Variants in ZRANB3 observed in about 807,000 individuals in gnomAD.
ZRANB3 encodes the protein zinc finger RANBP2-type containing 3.
A neutral mutation model predicts 133.8 loss-of-function variants in ZRANB3; 125 were observed. That is an observed-to-expected ratio of 0.93 (90% CI 0.81 to 1.08). The LOEUF (loss-of-function observed/expected upper bound fraction) is 1.08, where lower values mean the gene tolerates loss of function less well. Among genes scored for constraint, ZRANB3 ranks in the 50% least tolerant of loss-of-function variants. The probability of loss-of-function intolerance (pLI) is 0.00; values close to 1 mark genes in which losing one functional copy is unlikely to be tolerated. For synonymous variants in ZRANB3, 387 were observed against 432.7 expected (o/e 0.89, Z 1.31); for missense variants, 1,229 against 1,275.5 (o/e 0.96, Z 0.56).
At chr2:135,321,954 T>C (rs1245401784) in intron 6 of ZRANB3, among the ~76,000 whole-genome samples, 1 of 152,180 alleles carries the variant, frequency 6.6e-6, no homozygotes, top group Non-Finnish European at 1.5e-5. Context: ...TTCATCACTT[T>C]TGTCTTTTAT....
At chr2:135,205,716 G>T (rs912407570) in intron 19 of ZRANB3, among the ~76,000 whole-genome samples, 1 of 152,204 alleles carries the variant, frequency 6.6e-6, no homozygotes, top group African/African-American at 2.4e-5. Flanking sequence ...AAATGAAAGT[G>T]AATATTGATG....
At chr2:135,516,021 G>C (rs574648948) in intron 1 of ZRANB3, among the ~76,000 whole-genome samples, 21 of 152,000 alleles carry the variant, frequency 1.4e-4, no homozygotes, top group African/African-American at 4.8e-4. Context: ...TGATCCCTTT[G>C]CCATTATGTA....
At chr2:135,362,880 A>G (rs1003830342) in intron 3 of ZRANB3, among the ~76,000 whole-genome samples, 9 of 152,228 alleles carry the variant, frequency 5.9e-5, no homozygotes, top group African/African-American at 2.2e-4. Flanking sequence ...AGTCTCTAGT[A>G]AAGTTTTATT....
Position 135,230,429 on chromosome 2 carries a change from G to C in ZRANB3, c.1954+84C>G, listed in dbSNP as rs1694947964. On this transcript the variant is annotated intron_variant, in intron 13 of 20. Coordinates refer to ENST00000264159, the MANE Select transcript of ZRANB3 (RefSeq NM_032143.4). The stretch of plus-strand genomic sequence containing the variant: ...GTTGTGCTGAGTCACACTAACCCTG[G>C]ATAACAGCAGTCTCTAAAAGCACAG... 3.4e-5 allele frequency: 44 copies of C among 1,290,576 alleles called. No individual in the cohort carries two copies. The South Asian group carries it at 9.1e-4, about 27-fold the overall frequency. 79.9% of individuals were successfully genotyped at this position (1,290,576 alleles called of 1,614,324 possible).
At chr2:135,489,048 A>G (rs911003775) in intron 2 of ZRANB3, among the ~76,000 whole-genome samples, 2 of 152,042 alleles carry the variant, frequency 1.3e-5, no homozygotes, top group African/African-American at 4.8e-5. Flanking sequence ...GCTCTAGCCC[A>G]TACTGTTTGC....
At chr2:135,506,262 G>C (rs1029138629) in intron 1 of ZRANB3, among the ~76,000 whole-genome samples, 10 of 152,008 alleles carry the variant, frequency 6.6e-5, no homozygotes, top group African/African-American at 2.4e-4. Flanking sequence ...TGGTGGCACA[G>C]GCCTGTAATC....
At chr2:135,453,851 C>A (rs182052578) in intron 2 of ZRANB3, among the ~76,000 whole-genome samples, 3 of 152,252 alleles carry the variant, frequency 2.0e-5, no homozygotes, top group African/African-American at 7.2e-5. Context: ...TCCAAAGTCA[C>A]TTCCACATTT....
At chr2:135,275,560 A>C (rs1286273052) in intron 9 of ZRANB3, 76 bp downstream of exon 9, 3 of 1,263,948 alleles carry the variant, frequency 2.4e-6, no homozygotes, top group Non-Finnish European at 3.1e-6. Context: ...CACCTCAACT[A>C]TGAGACTACA....
chr2:135,253,229 G>T (rs1679488115), intron 12 of ZRANB3, among the ~76,000 whole-genome samples: 3 of 152,174 alleles, frequency 2.0e-5, no homozygotes, highest in Admixed American at 2.0e-4. Flanking sequence ...TGGTGGTAGG[G>T]CCTGCCAACG....
At chr2:135,366,277 A>G (rs1465336147) in intron 3 of ZRANB3, among the ~76,000 whole-genome samples, 2 of 152,110 alleles carry the variant, frequency 1.3e-5, no homozygotes, top group African/African-American at 4.8e-5. Flanking sequence ...TATTAAAAAG[A>G]GGGAGAAAGA....
At chr2:135,501,826 T>C (rs747410794) in intron 2 of ZRANB3, among the ~76,000 whole-genome samples, 12 of 152,192 alleles carry the variant, frequency 7.9e-5, no homozygotes, top group Non-Finnish European at 1.8e-4. Context: ...TAAGGTAATG[T>C]TACGTCTCTC....
chr2:135,492,219 T>C (rs1252025467), intron 2 of ZRANB3, among the ~76,000 whole-genome samples: 7 of 152,166 alleles, frequency 4.6e-5, no homozygotes, highest in African/African-American at 1.4e-4. Flanking sequence ...CTAATATCAA[T>C]GAATGAAAGT....
intron 12 of ZRANB3, among the ~76,000 whole-genome samples, chr2:135,261,315 C>T (rs1378223336): frequency 6.6e-6 from 1 of 152,134 alleles, no homozygotes; most frequent in Non-Finnish European, 1.5e-5. Context: ...TTAGTACCTG[C>T]CAACAAATTG....
At chr2:135,391,502 G>A (rs1269314565) in intron 2 of ZRANB3, among the ~76,000 whole-genome samples, 1 of 152,006 alleles carries the variant, frequency 6.6e-6, no homozygotes, top group Non-Finnish European at 1.5e-5. Flanking sequence ...AAGAAAATAA[G>A]TGTGAATTAC....
At chr2:135,513,931 A>G (rs887676871) in intron 1 of ZRANB3, among the ~76,000 whole-genome samples, 1 of 152,202 alleles carries the variant, frequency 6.6e-6, no homozygotes, top group Non-Finnish European at 1.5e-5. Context: ...GGTTTGTCAA[A>G]GAGCAGATGG....
Position 135,271,769 on chromosome 2 carries a change from T to C in ZRANB3, c.1205A>G (p.Gln402Arg), listed in dbSNP as rs779190811. 6.2e-7 allele frequency: 1 copy of C among 1,608,098 alleles called. No homozygotes were observed. Among genetic ancestry groups the C allele is most frequent in the Non-Finnish European group, 8.5e-7 (1 of 1,178,310 alleles). ...VAILSIQAAG[Q>R]GLTFTAASHV... is the part of the protein sequence containing the mutation. Reference sequence around the variant, plus strand: ...AAATTTAGACTTGAAATTTCTTACCTGGCCAGCAGCCTGAATGCTTAGGAT... The same window carrying C: ...AAATTTAGACTTGAAATTTCTTACCCGGCCAGCAGCCTGAATGCTTAGGAT... Residue 402 changes from glutamine to arginine, a missense_variant and splice_region_variant, in exon 10 of 21, where the codon CAG (glutamine) becomes CGG (arginine). Physicochemically the swap from Gln to Arg is conservative, Grantham distance 43. Transcript: ENST00000264159.
chr2:135,513,622 G>C (rs993411294), intron 1 of ZRANB3, among the ~76,000 whole-genome samples: 3 of 152,080 alleles, frequency 2.0e-5, no homozygotes, highest in African/African-American at 7.2e-5. Context: ...GAAAACACAA[G>C]AGTAAACCTT....
intron 8 of ZRANB3, among the ~76,000 whole-genome samples, chr2:135,295,217 T>A (rs1044388076): frequency 3.3e-5 from 5 of 152,206 alleles, no homozygotes; most frequent in African/African-American, 1.2e-4. Context: ...AGTCTAAGTC[T>A]CTTTGTAGGT....
chr2:135,415,907 AC>A (rs1245706952), intron 2 of ZRANB3, among the ~76,000 whole-genome samples: 4 of 151,848 alleles, frequency 2.6e-5, no homozygotes, highest in African/African-American at 4.8e-5. Flanking sequence ...AAATTCAACA[AC>A]CCTTCATGCT....
Sources: gnomAD v4.1 joint callset for allele counts (sites outside exome capture counted in the v4.1 genomes callset) on GRCh38, gnomAD v4.1.1 for gene constraint, MANE v1.5 for transcripts, NCBI Gene and HGNC (gene_info 2026-07-23, HGNC 2026-07-21) for gene names.